The following MACROD2 variants were observed in gnomAD, a reference collection of about 807,000 sequenced individuals.
The protein encoded by MACROD2 is mono-ADP ribosylhydrolase 2, also known as ADP-ribose glycohydrolase MACROD2.
Under a neutral mutation model 70.4 loss-of-function variants are expected in MACROD2, and 36 were observed. The ratio of observed to expected loss-of-function variants is 0.51; its 90% CI spans 0.39 to 0.68. The LOEUF (loss-of-function observed/expected upper bound fraction) is 0.68. Ranked by LOEUF, MACROD2 falls within the 30% of genes least tolerant of loss-of-function variation. MACROD2 has a pLI of 0.00. For missense variants in MACROD2, 496 were observed against 538.4 expected, an observed-to-expected ratio of 0.92 and a Z score of 0.78; for synonymous variants, 172 against 178.8, an observed-to-expected ratio of 0.96 and a Z score of 0.30.
At chr20:15,068,118 T>C (rs190212560) in intron 5 of MACROD2, among the ~76,000 whole-genome samples, 2 of 152,322 alleles carry the variant, frequency 1.3e-5, no homozygotes, top group Admixed American at 1.3e-4. Context: ...TGGATATTTC[T>C]CTGCCACCCA....
At position 14,675,673 on chromosome 20, in the gene MACROD2, C is replaced by G. The variant is rs577722597; in HGVS notation, c.302-9170C>G. On this transcript the variant is annotated intron_variant, in intron 4 of 17. Transcript: ENST00000684519. ...AATGGGCAAAATAACCAGCTAGCAT[C>G]ATAATGACAGGATCAAATTCACACA... Among the ~76,000 whole-genome samples the G allele has an allele frequency of 6.4e-4, 97 of 152,264 alleles. 1 individual carries two copies. The highest frequency in any genetic ancestry group is 1.2e-3 in the Non-Finnish European group (84 of 68,020).
intron 8 of MACROD2, among the ~76,000 whole-genome samples, chr20:15,562,052 TAA>T (rs1322001259): frequency 2.0e-5 from 3 of 152,288 alleles, no homozygotes; most frequent in African/African-American, 2.4e-5. Context: ...ATGATCATAA[TAA>T]AGTTTTGCAT....
At chr20:15,895,739 A>T (rs983778169) in intron 10 of MACROD2, among the ~76,000 whole-genome samples, 12 of 152,226 alleles carry the variant, frequency 7.9e-5, no homozygotes, top group Admixed American at 3.9e-4. Flanking sequence ...TCCCTTGTAC[A>T]GCCTGAGTTC....
intron 3 of MACROD2, among the ~76,000 whole-genome samples, chr20:14,093,148 A>G (rs1480614497): frequency 2.6e-5 from 4 of 152,170 alleles, no homozygotes; most frequent in Non-Finnish European, 5.9e-5. Context: ...TGGCATAATC[A>G]TAGCTCAATG....
chr20:14,001,441 A>C (rs1419706216), intron 1 of MACROD2, among the ~76,000 whole-genome samples: 1 of 151,958 alleles, frequency 6.6e-6, no homozygotes, highest in Non-Finnish European at 1.5e-5. Flanking sequence ...AAGTAAATTG[A>C]TAGTGCAGTT....
intron 10 of MACROD2, among the ~76,000 whole-genome samples, chr20:15,894,287 A>G (rs2064936464): frequency 6.6e-6 from 1 of 152,224 alleles, no homozygotes; most frequent in African/African-American, 2.4e-5. Flanking sequence ...GCTGAAAGAA[A>G]GGTGGAAATC....
intron 8 of MACROD2, among the ~76,000 whole-genome samples, chr20:15,678,690 T>A (rs2050113540): frequency 6.6e-6 from 1 of 152,120 alleles, no homozygotes; most frequent in Non-Finnish European, 1.5e-5. Context: ...CTATCCATGG[T>A]AAGGAAACAC....
chr20:15,088,805 G>A (rs1293244941), intron 5 of MACROD2, among the ~76,000 whole-genome samples: 1 of 151,924 alleles, frequency 6.6e-6, no homozygotes, highest in African/African-American at 2.4e-5. Flanking sequence ...TACAGGTCTG[G>A]AAGGGCCATG....
intron 3 of MACROD2, among the ~76,000 whole-genome samples, chr20:14,411,770 C>T (rs1303339817): frequency 6.6e-6 from 1 of 152,064 alleles, no homozygotes; most frequent in East Asian, 1.9e-4. Flanking sequence ...TGTGTGTCTG[C>T]ACAGGCTGTA....
chr20:14,930,675 T>A (rs1367286622), intron 5 of MACROD2, among the ~76,000 whole-genome samples: 1 of 149,534 alleles, frequency 6.7e-6, no homozygotes, highest in Non-Finnish European at 1.5e-5. Context: ...GGCTCATGCC[T>A]GTAATCCCAG....
chr20:14,428,995 A>G (rs1419422512), intron 3 of MACROD2, among the ~76,000 whole-genome samples: 1 of 152,146 alleles, frequency 6.6e-6, no homozygotes, highest in African/African-American at 2.4e-5. Flanking sequence ...TTCCCTCTAA[A>G]TTTAGGACTG....
chr20:14,729,534 G>T (rs35374246), intron 5 of MACROD2, among the ~76,000 whole-genome samples: 10 of 152,104 alleles, frequency 6.6e-5, no homozygotes, highest in Non-Finnish European at 1.2e-4. Flanking sequence ...ACGTCTCTGT[G>T]GGGGTAAGAA....
At chr20:16,014,470 GA>G (rs1195777092) in intron 15 of MACROD2, among the ~76,000 whole-genome samples, 1 of 152,174 alleles carries the variant, frequency 6.6e-6, no homozygotes, top group Non-Finnish European at 1.5e-5. Flanking sequence ...AATCCACAGG[GA>G]AAAGTCCTAT....
chr20:15,091,337 AAAAAATAAAACCAAAC>A (rs953989074), intron 5 of MACROD2, among the ~76,000 whole-genome samples: 1 of 151,868 alleles, frequency 6.6e-6, no homozygotes, highest in African/African-American at 2.4e-5. Flanking sequence ...GGAAGGACTT[AAAAAATAAAACCAAAC>A]AAAAAAAAAA....
chr20:14,306,484 C>CCTG (rs1245847314), intron 3 of MACROD2, among the ~76,000 whole-genome samples: 2 of 151,900 alleles, frequency 1.3e-5, no homozygotes, highest in African/African-American at 4.8e-5. Flanking sequence ...TCCATCTAGT[C>CCTG]CTGGAGGATA....
chr20:14,735,356 G>A (rs1424488331), intron 5 of MACROD2, among the ~76,000 whole-genome samples: 4 of 152,074 alleles, frequency 2.6e-5, no homozygotes, highest in Admixed American at 2.6e-4. Flanking sequence ...GAAGGTATAC[G>A]AATGGCCAAC....
chr20:15,861,592 C>T (rs1346764450), intron 8 of MACROD2, among the ~76,000 whole-genome samples: 1 of 152,078 alleles, frequency 6.6e-6, no homozygotes, highest in Non-Finnish European at 1.5e-5. Context: ...AGTGATTTTC[C>T]AAGAGGCAGT....
intron 6 of MACROD2, among the ~76,000 whole-genome samples, chr20:15,345,550 GT>G (rs1462046082): frequency 6.6e-6 from 1 of 152,144 alleles, no homozygotes; most frequent in Non-Finnish European, 1.5e-5. Flanking sequence ...CTGTATATCA[GT>G]GCTATTCAAT....
chr20:15,622,158 T>C (rs2049134913), intron 8 of MACROD2, among the ~76,000 whole-genome samples: 1 of 152,220 alleles, frequency 6.6e-6, no homozygotes, highest in Admixed American at 6.5e-5. Context: ...ATATACTCTT[T>C]GGTGCTTTGA....
Sources: allele counts gnomAD v4.1 joint callset (sites outside exome capture counted in the v4.1 genomes callset), GRCh38; gene constraint gnomAD v4.1.1; transcripts MANE v1.5; gene names NCBI Gene and HGNC (gene_info 2026-07-23, HGNC 2026-07-21).